Variants in SLC22A23 observed in about 807,000 individuals in gnomAD.
The protein encoded by SLC22A23 is solute carrier family 22 member 23.
Under a neutral mutation model 61.0 loss-of-function variants are expected in SLC22A23, and 26 were observed. The observed-to-expected ratio is 0.43, with a 90% CI of 0.31 to 0.59. The LOEUF is 0.59. Among genes scored for constraint, SLC22A23 ranks in the 20% least tolerant of loss-of-function variants. The pLI, the probability that SLC22A23 is intolerant of heterozygous loss-of-function variation, is 0.11. For missense variants in SLC22A23, 796 were observed against 934.7 expected, an observed-to-expected ratio of 0.85 and a Z score of 1.94; for synonymous variants, 430 against 413.9, an observed-to-expected ratio of 1.04 and a Z score of -0.47.
intron 5 of SLC22A23, among the ~76,000 whole-genome samples, chr6:3,293,040 C>T (rs375076620): frequency 1.1e-4 from 16 of 152,294 alleles, no homozygotes; most frequent in Middle Eastern, 3.4e-3. Context: ...CAGCAGAGGA[C>T]GCAGTGGCCA....
chr6:3,424,185 C>G (rs1465547802), intron 1 of SLC22A23, among the ~76,000 whole-genome samples: 1 of 152,216 alleles, frequency 6.6e-6, no homozygotes, highest in Non-Finnish European at 1.5e-5. Context: ...CCTGCCCCAA[C>G]CCCTGCCATG....
intron 4 of SLC22A23, chr6:3,313,411 A>G (rs1352457505): frequency 6.6e-6 from 1 of 152,166 alleles, no homozygotes; most frequent in East Asian, 1.9e-4. Flanking sequence ...ATAACTTGTA[A>G]AAATAATTAT....
intron 4 of SLC22A23, 186 bp downstream of exon 4, chr6:3,323,648 G>A (rs1459142603): frequency 3.2e-5 from 23 of 716,544 alleles, no homozygotes; most frequent in Non-Finnish European, 4.1e-5. Flanking sequence ...GTGTATATTT[G>A]AACAGTTTTC....
chr6:3,304,429 A>G lies in SLC22A23; in HGVS notation c.1083-6211T>C, dbSNP rs1761827344. Among the ~76,000 whole-genome samples, 1 of 152,244 alleles carries G rather than the reference A, an allele frequency of 6.6e-6. No individual in the cohort carries two copies. Among genetic ancestry groups the G allele is most frequent in the Non-Finnish European group, 1.5e-5 (1 of 68,040 alleles). ...AGCTCATAGAAAAGATTTCAAGGAT[A>G]TTACTGTTTACAAAGGCGTGGTGTG... is the stretch of plus-strand genomic sequence containing the variant. On this transcript the variant is annotated intron_variant, in intron 4 of 9. Coordinates refer to ENST00000406686, the MANE Select transcript of SLC22A23 (RefSeq NM_015482.2). The surrounding 1 kb of genome is among the most constrained non-coding windows in gnomAD (Gnocchi z 4.3).
At chr6:3,355,378 G>A (rs976179240) in intron 3 of SLC22A23, among the ~76,000 whole-genome samples, 21 of 152,070 alleles carry the variant, frequency 1.4e-4, no homozygotes, top group African/African-American at 4.8e-4. Flanking sequence ...AGACAAGCAT[G>A]CTGCTCGTGG....
At chr6:3,450,392 C>T (rs1450368379) in intron 1 of SLC22A23, among the ~76,000 whole-genome samples, 1 of 152,072 alleles carries the variant, frequency 6.6e-6, no homozygotes, top group East Asian at 1.9e-4. Context: ...CCGCAACCTC[C>T]GCCTCCCAGG....
chr6:3,351,920 GCAGAT>G (rs974787247), intron 3 of SLC22A23, among the ~76,000 whole-genome samples: 20 of 152,216 alleles, frequency 1.3e-4, no homozygotes, highest in African/African-American at 4.6e-4. Flanking sequence ...CCACCTCGAG[GCAGAT>G]GGAGTTCCCA....
chr6:3,448,126 C>T (rs1028741588), intron 1 of SLC22A23, among the ~76,000 whole-genome samples: 1 of 151,598 alleles, frequency 6.6e-6, no homozygotes, highest in South Asian at 2.1e-4. Context: ...TGGTCTTGAA[C>T]TCCTGACCTC....
chr6:3,410,388 C>T lies in SLC22A23; in HGVS notation c.759-46G>A. ...AGTTAGGAATCATTGTGAAACAAGA[C>T]AATGACGCTAGATGCTGAAACCCGG... On this transcript the variant is annotated intron_variant, in intron 2 of 9. Coordinates refer to ENST00000406686, the MANE Select transcript of SLC22A23 (RefSeq NM_015482.2). This position sits in a 1 kb window ranked among gnomAD's most constrained non-coding sequence, Gnocchi z 5.0. The T allele has an allele frequency of 1.3e-6, 2 of 1,526,716 alleles. No individual in the cohort carries two copies. The highest frequency in any genetic ancestry group is 1.3e-5 in the South Asian group (1 of 78,710). 94.6% of individuals were successfully genotyped at this position (1,526,716 alleles called of 1,614,324 possible).
chr6:3,408,326 A>G (rs1437118978), intron 3 of SLC22A23, among the ~76,000 whole-genome samples: 2 of 152,260 alleles, frequency 1.3e-5, no homozygotes, highest in Non-Finnish European at 2.9e-5. Flanking sequence ...CATCTTCAAC[A>G]TAATATTTTG....
chr6:3,391,765 G>T (rs577217010), intron 3 of SLC22A23, among the ~76,000 whole-genome samples: 2 of 152,300 alleles, frequency 1.3e-5, no homozygotes, highest in South Asian at 4.1e-4. Flanking sequence ...TGAGTCTGAA[G>T]AAATTGTTTG....
At position 3,347,241 on chromosome 6, in the gene SLC22A23, G is replaced by A. The variant is rs755440179; in HGVS notation, c.914-23239C>T. Among the ~76,000 whole-genome samples, 6 of 151,414 alleles carry A rather than the reference G, an allele frequency of 4.0e-5. No individual in the cohort carries two copies. In the East Asian group the frequency reaches 5.8e-4, roughly 15 times the overall value. ...CATTCAGCAGCTTCCTATTTTGTAC[G>A]GTTGCGTTGTCTTACACGCACATGC... On this transcript the variant is annotated intron_variant, in intron 3 of 9. Transcript: ENST00000406686.
intron 9 of SLC22A23, among the ~76,000 whole-genome samples, chr6:3,279,143 C>T (rs907662765): frequency 6.6e-5 from 10 of 152,134 alleles, no homozygotes; most frequent in Admixed American, 2.0e-4. Context: ...AACAAATGTA[C>T]ACATGCATAT....
intron 6 of SLC22A23, among the ~76,000 whole-genome samples, 153 bp downstream of exon 6, chr6:3,289,611 G>T (rs1760380914): frequency 6.6e-6 from 1 of 152,186 alleles, no homozygotes; most frequent in Admixed American, 6.5e-5. Context: ...GAGCGGGGGA[G>T]GTCAATATCT....
chr6:3,406,203 G>C (rs967132409), intron 3 of SLC22A23, among the ~76,000 whole-genome samples: 1 of 152,136 alleles, frequency 6.6e-6, no homozygotes, highest in Non-Finnish European at 1.5e-5. Flanking sequence ...CTTTTAAACA[G>C]TATTTTTTAT....
At chr6:3,364,050 G>T (rs1765647957) in intron 3 of SLC22A23, among the ~76,000 whole-genome samples, 1 of 152,224 alleles carries the variant, frequency 6.6e-6, no homozygotes, top group African/African-American at 2.4e-5. Flanking sequence ...TCTGACATTT[G>T]TGCATCTCAC....
rs980303223 is a variant in SLC22A23 at position 3,328,146 on chromosome 6, G to A, written c.914-4144C>T. Among the ~76,000 whole-genome samples, 4 of 151,320 alleles carry A rather than the reference G, an allele frequency of 2.6e-5. No individual in the cohort carries two copies. Among genetic ancestry groups the A allele is most frequent in the African/African-American group, 9.7e-5 (4 of 41,084 alleles). Reference sequence around the variant, plus strand: ...ACACCTTAATGAAGAATGCTTACAAGCTACTCTTGGCAACTAGATATACTT... The same window carrying A: ...ACACCTTAATGAAGAATGCTTACAAACTACTCTTGGCAACTAGATATACTT... On this transcript the variant is annotated intron_variant, in intron 3 of 9. Coordinates refer to ENST00000406686, the MANE Select transcript of SLC22A23 (RefSeq NM_015482.2). This position sits in a 1 kb window ranked among gnomAD's most constrained non-coding sequence, Gnocchi z 5.0.
At chr6:3,403,136 C>T (rs1326089440) in intron 3 of SLC22A23, among the ~76,000 whole-genome samples, 2 of 151,414 alleles carry the variant, frequency 1.3e-5, no homozygotes, top group African/African-American at 4.9e-5. Context: ...TTGCTTCCCA[C>T]TAGATACATT....
At chr6:3,424,826 C>T (rs35270348) in intron 1 of SLC22A23, among the ~76,000 whole-genome samples, 45,919 of 152,100 alleles carry the variant, frequency 0.3, 8,135 homozygotes, top group East Asian at 0.47. Flanking sequence ...AAACAGAGCC[C>T]ACATGGCCTG....
Sources: gnomAD v4.1 joint callset for allele counts (sites outside exome capture counted in the v4.1 genomes callset) on GRCh38, gnomAD v4.1.1 for gene constraint, Gnocchi (gnomAD v3.1) non-coding constraint, MANE v1.5 for transcripts, NCBI Gene and HGNC (gene_info 2026-07-23, HGNC 2026-07-21) for gene names.